Variants in GPC6 observed in about 807,000 individuals in gnomAD.
The protein encoded by GPC6 is glypican-6.
Under a neutral mutation model 55.2 loss-of-function variants are expected in GPC6, and 14 were observed. The observed-to-expected ratio is 0.25, with a 90% CI of 0.17 to 0.40. The LOEUF (loss-of-function observed/expected upper bound fraction) is 0.40. GPC6 is among the 10% of genes least tolerant of loss of function. GPC6 has a pLI of 1.00. For missense variants in GPC6, 641 were observed against 708.5 expected (o/e 0.90, Z 1.08); for synonymous variants, 278 against 259.6 (o/e 1.07, Z -0.68).
At chr13:93,384,061 A>G (rs1875292986) in intron 1 of GPC6, among the ~76,000 whole-genome samples, 2 of 152,156 alleles carry the variant, frequency 1.3e-5, no homozygotes. Context: ...TTATTTTATG[A>G]TATTTCTTAG....
chr13:94,234,718 T>A (rs1890826322), intron 4 of GPC6, among the ~76,000 whole-genome samples: 1 of 152,068 alleles, frequency 6.6e-6, no homozygotes, highest in Non-Finnish European at 1.5e-5. Flanking sequence ...AAGTTTCTCT[T>A]CCTCCCAGGA....
At chr13:93,261,864 T>C (rs1201192742) in intron 1 of GPC6, among the ~76,000 whole-genome samples, 2 of 151,752 alleles carry the variant, frequency 1.3e-5, no homozygotes, top group African/African-American at 4.8e-5. Flanking sequence ...AACAGATAAA[T>C]AAAGATGAGG....
At chr13:94,093,339 T>C (rs919156402) in intron 4 of GPC6, among the ~76,000 whole-genome samples, 1 of 152,108 alleles carries the variant, frequency 6.6e-6, no homozygotes, top group Non-Finnish European at 1.5e-5. Flanking sequence ...CTAGTTTTTC[T>C]AGCAGCATTT....
In GPC6 at chr13:94,405,414, A is replaced by G. The variant is rs1409860670; in HGVS notation, c.*2197A>G. Reference sequence around the variant, plus strand: ...CAGAAGTCAGTATTGTCTTTCTCCAATAATTAAGGTGCAATACAAATTAAA... The same window carrying G: ...CAGAAGTCAGTATTGTCTTTCTCCAGTAATTAAGGTGCAATACAAATTAAA... On this transcript the variant is annotated 3_prime_UTR_variant, in exon 9 of 9. Transcript: ENST00000377047. 1 of 152,188 alleles carries G rather than the reference A, an allele frequency of 6.6e-6. No homozygotes were observed. The highest frequency in any genetic ancestry group is 2.4e-5 in the African/African-American group (1 of 41,454). The allele number at this position is 152,188 out of a possible 1,614,324, so 9.4% of individuals were successfully genotyped here.
intron 5 of GPC6, among the ~76,000 whole-genome samples, chr13:94,301,749 C>T (rs1273943150): frequency 6.6e-6 from 1 of 152,158 alleles, no homozygotes; most frequent in African/African-American, 2.4e-5. Context: ...ATATACTTGT[C>T]CTTGGTAAAT....
chr13:93,816,727 G>GA (rs938968208), intron 2 of GPC6, among the ~76,000 whole-genome samples: 18 of 145,920 alleles, frequency 1.2e-4, no homozygotes, highest in South Asian at 6.4e-4. Context: ...ATGTACAGAG[G>GA]AAAAAAAAAC....
intron 5 of GPC6, among the ~76,000 whole-genome samples, chr13:94,291,794 A>T (rs910589368): frequency 3.3e-5 from 5 of 151,920 alleles, no homozygotes; most frequent in Admixed American, 1.3e-4. Context: ...CTGAGAAATT[A>T]CATAACCAGA....
chr13:93,643,482 T>C (rs1446050588), intron 2 of GPC6, among the ~76,000 whole-genome samples: 1 of 152,100 alleles, frequency 6.6e-6, no homozygotes, highest in Non-Finnish European at 1.5e-5. Flanking sequence ...GCTTATATAA[T>C]AGGCTGAACA....
chr13:93,359,555 G>T (rs1286020866), intron 1 of GPC6, among the ~76,000 whole-genome samples: 3 of 152,102 alleles, frequency 2.0e-5, no homozygotes, highest in Non-Finnish European at 4.4e-5. Context: ...AGTTGAATGT[G>T]CAAACTGCAA....
intron 1 of GPC6, among the ~76,000 whole-genome samples, chr13:93,472,305 T>C (rs1879148056): frequency 1.3e-5 from 2 of 152,324 alleles, no homozygotes; most frequent in Admixed American, 6.5e-5. Context: ...CATTCCATCC[T>C]CTTGGCCTAG....
At chr13:94,341,006 GTTACCTCTTGC>G (rs1405252215) in intron 6 of GPC6, among the ~76,000 whole-genome samples, 1 of 152,168 alleles carries the variant, frequency 6.6e-6, no homozygotes, top group Non-Finnish European at 1.5e-5. Context: ...ATCTTCTATT[GTTACCTCTTGC>G]TTCTTAGGTA....
At chr13:94,282,578 C>T (rs1057135121) in intron 4 of GPC6, among the ~76,000 whole-genome samples, 1 of 152,188 alleles carries the variant, frequency 6.6e-6, no homozygotes, top group Non-Finnish European at 1.5e-5. Flanking sequence ...CTCAACTAGT[C>T]GATTCTTCTG....
intron 2 of GPC6, among the ~76,000 whole-genome samples, chr13:93,636,941 T>TTC (rs1327195684): frequency 6.6e-6 from 1 of 151,906 alleles, no homozygotes; most frequent in Non-Finnish European, 1.5e-5. Context: ...TTTTTTTTTT[T>TTC]TCTCTCTCCT....
At chr13:94,272,813 G>A (rs1488595460) in intron 4 of GPC6, among the ~76,000 whole-genome samples, 1 of 151,984 alleles carries the variant, frequency 6.6e-6, no homozygotes, top group East Asian at 1.9e-4. Context: ...TAGAGAAGGA[G>A]GCAGCGTGAT....
chr13:93,733,106 C>A (rs1883885802), intron 2 of GPC6, among the ~76,000 whole-genome samples: 1 of 151,896 alleles, frequency 6.6e-6, no homozygotes, highest in Admixed American at 6.6e-5. Flanking sequence ...CAGTATGCCA[C>A]TTGGAAATTT....
chr13:93,317,768 A>G (rs1594092804), intron 1 of GPC6, among the ~76,000 whole-genome samples: 1 of 152,144 alleles, frequency 6.6e-6, no homozygotes, highest in Non-Finnish European at 1.5e-5. Flanking sequence ...GCAGGCTTGA[A>G]ACTTAATTGA....
chr13:93,619,452 G>T (rs893203169), intron 2 of GPC6, among the ~76,000 whole-genome samples: 1 of 151,960 alleles, frequency 6.6e-6, no homozygotes, highest in Non-Finnish European at 1.5e-5. Flanking sequence ...CTTTTTTGTT[G>T]TTGTTCTGTT....
At position 93,232,064 on chromosome 13, in the gene GPC6, A is replaced by C. The variant is rs79677039; in HGVS notation, c.160+4448A>C. 2.0e-3 allele frequency among the ~76,000 whole-genome samples: 302 copies of C among 151,666 alleles called. 3 individuals carry two copies. The highest frequency in any genetic ancestry group is 0.015 in the East Asian group (75 of 5,158). ...TGTCTTTCTGTCTGCTCCCCCGGCA[A>C]ACCAACTAATTTAATACATTTACAA... On this transcript the variant is annotated intron_variant, in intron 1 of 8. Transcript: ENST00000377047.
intron 2 of GPC6, among the ~76,000 whole-genome samples, chr13:93,671,191 C>A (rs1326131156): frequency 6.6e-6 from 1 of 152,068 alleles, no homozygotes; most frequent in African/African-American, 2.4e-5. Flanking sequence ...CTGGGTTCAA[C>A]ACAAATGGTG....
Sources: gnomAD v4.1 joint callset for allele counts (sites outside exome capture counted in the v4.1 genomes callset) on GRCh38, gnomAD v4.1.1 for gene constraint, MANE v1.5 for transcripts, NCBI Gene and HGNC (gene_info 2026-07-23, HGNC 2026-07-21) for gene names.